The following GLIS3 variants were observed in gnomAD, a reference collection of about 807,000 sequenced individuals.
GLIS3 encodes the protein zinc finger protein GLIS3.
A neutral mutation model predicts 78.6 loss-of-function variants in GLIS3; 53 were observed. The ratio of observed to expected loss-of-function variants is 0.67; its 90% confidence interval spans 0.54 to 0.85. The LOEUF is 0.85. Among genes scored for constraint, GLIS3 ranks in the 40% least tolerant of loss-of-function variants. The pLI is 0.00. For synonymous variants in GLIS3, 684 were observed against 509.9 expected, an observed-to-expected ratio of 1.34 and a Z score of -4.60; for missense variants, 1,703 against 1,231.1, an observed-to-expected ratio of 1.38 and a Z score of -5.74.
the GLIS3 span, among the ~76,000 whole-genome samples, chr9:4,441,608 T>C: frequency 6.6e-6 from 1 of 152,102 alleles, no homozygotes; most frequent in Non-Finnish European, 1.5e-5. Flanking sequence ...AGTTTTCTTT[T>C]CCTTTTTCTT....
intron 2 of GLIS3, among the ~76,000 whole-genome samples, chr9:4,333,048 C>A (rs568810020): frequency 6.6e-6 from 1 of 152,308 alleles, no homozygotes; most frequent in African/African-American, 2.4e-5. Flanking sequence ...ATCTTCAGAA[C>A]AACCTTATGA....
chr9:3,910,985 C>A (rs994060667), intron 6 of GLIS3, among the ~76,000 whole-genome samples: 1 of 152,220 alleles, frequency 6.6e-6, no homozygotes, highest in Admixed American at 6.5e-5. Context: ...AACCAGCTGT[C>A]TGACCAGGAC....
At chr9:3,953,788 T>TA in intron 4 of GLIS3, among the ~76,000 whole-genome samples, 6 of 39,888 alleles carry the variant, frequency 1.5e-4, no homozygotes, top group African/African-American at 5.6e-4. Flanking sequence ...TCTCTCTCTC[T>TA]CTCTCTCTAT....
chr9:4,353,278 C>G (rs1037081913), upstream of GLIS3, among the ~76,000 whole-genome samples: 1 of 152,186 alleles, frequency 6.6e-6, no homozygotes, highest in Non-Finnish European at 1.5e-5. Flanking sequence ...TGTAGCCCAG[C>G]AACTCCTCAA....
intron 2 of GLIS3, among the ~76,000 whole-genome samples, chr9:4,196,826 G>A (rs1225173863): frequency 6.6e-6 from 1 of 151,276 alleles, no homozygotes; most frequent in Non-Finnish European, 1.5e-5. Context: ...ACCACACAAT[G>A]AGATGTGCAA....
the GLIS3 span, among the ~76,000 whole-genome samples, chr9:4,466,240 T>C: frequency 6.6e-6 from 1 of 152,210 alleles, no homozygotes; most frequent in Non-Finnish European, 1.5e-5. Flanking sequence ...CACAAATTAC[T>C]GAAATTGACC....
the GLIS3 span, among the ~76,000 whole-genome samples, chr9:4,376,585 G>A: frequency 7.4e-6 from 1 of 135,132 alleles, no homozygotes; most frequent in Non-Finnish European, 1.7e-5. Flanking sequence ...TAGAAGTCAT[G>A]TAGGTAGTTG....
chr9:4,475,104 C>G, the GLIS3 span, among the ~76,000 whole-genome samples: 5 of 149,500 alleles, frequency 3.3e-5, no homozygotes, highest in Non-Finnish European at 7.4e-5. Context: ...GGTGATTCCC[C>G]TTCCTCAGCC....
Position 4,286,258 on chromosome 9 carries a change from G to A in GLIS3, c.168C>T (p.Asn56=), listed in dbSNP as rs768777013. The part of the protein sequence containing the change: ...TSSPTMASLA[N]NLHLKMPSGG... ...CTGAGGGCATCTTGAGATGGAGGTT[G>A]TTAGCAAGGCTTGCCATAGTGGGAC... Residue 56 remains asparagine, a synonymous_variant, in exon 2 of 11, where the codon AAC becomes AAT. Transcript: ENST00000381971. 1 of 1,614,128 alleles carries A rather than the reference G, an allele frequency of 6.2e-7. No homozygotes were observed. The highest frequency in any genetic ancestry group is 1.3e-5 in the African/African-American group (1 of 74,944).
At chr9:4,171,161 G>A (rs1816338959) in intron 2 of GLIS3, among the ~76,000 whole-genome samples, 1 of 152,018 alleles carries the variant, frequency 6.6e-6, no homozygotes, top group Admixed American at 6.6e-5. Flanking sequence ...ATCATTAAAG[G>A]GCTATTACAA....
intron 3 of GLIS3, among the ~76,000 whole-genome samples, chr9:4,309,567 G>A (rs1817309186): frequency 1.3e-5 from 2 of 152,078 alleles, no homozygotes; most frequent in South Asian, 4.1e-4. Flanking sequence ...CCAGGTCAGA[G>A]GAATAAAAGG....
chr9:4,351,196 T>C (rs1817966534), upstream of GLIS3, among the ~76,000 whole-genome samples: 1 of 152,004 alleles, frequency 6.6e-6, no homozygotes, highest in African/African-American at 2.4e-5. Flanking sequence ...TGAGCCAAGA[T>C]CAGGCCACTG....
chr9:4,078,201 T>A (rs539324210), intron 4 of GLIS3, among the ~76,000 whole-genome samples: 1 of 152,344 alleles, frequency 6.6e-6, no homozygotes, highest in East Asian at 1.9e-4. Flanking sequence ...AATCATTTTT[T>A]TCAATATAAT....
the GLIS3 span, among the ~76,000 whole-genome samples, chr9:4,380,071 T>A: frequency 6.6e-6 from 1 of 152,200 alleles, no homozygotes; most frequent in Non-Finnish European, 1.5e-5. Flanking sequence ...CTATCTGTAG[T>A]GCATCAATAT....
At chr9:4,126,026 C>G (rs1564088302) in intron 2 of GLIS3, 85 bp from the exon 3 acceptor site, 1 of 1,047,216 alleles carries the variant, frequency 9.5e-7, no homozygotes, top group Non-Finnish European at 1.5e-6. Flanking sequence ...TATATCAGGA[C>G]CCATCTTTAG....
At chr9:4,076,264 G>A (rs754110630) in intron 4 of GLIS3, among the ~76,000 whole-genome samples, 1 of 152,072 alleles carries the variant, frequency 6.6e-6, no homozygotes, top group African/African-American at 2.4e-5. Context: ...AATTTTAAAT[G>A]ATTATAAATT....
chr9:4,050,415 G>A (rs576045547), intron 4 of GLIS3, among the ~76,000 whole-genome samples: 1 of 152,086 alleles, frequency 6.6e-6, no homozygotes, highest in Non-Finnish European at 1.5e-5. Context: ...CTTGTACACA[G>A]GGCGGGGAAC....
chr9:3,890,873 T>C (rs1822387401), intron 7 of GLIS3, among the ~76,000 whole-genome samples: 1 of 152,190 alleles, frequency 6.6e-6, no homozygotes, highest in Admixed American at 6.5e-5. Flanking sequence ...ACCCCAGTGA[T>C]GGCTTTGTAA....
chr9:3,833,456 T>C (rs1179733390), intron 9 of GLIS3, among the ~76,000 whole-genome samples: 1 of 152,204 alleles, frequency 6.6e-6, no homozygotes, highest in Non-Finnish European at 1.5e-5. Context: ...GGATTTCACA[T>C]AGCAAATTTG....
Sources: gnomAD v4.1 joint callset for allele counts (sites outside exome capture counted in the v4.1 genomes callset) on GRCh38, gnomAD v4.1.1 for gene constraint, MANE v1.5 for transcripts, NCBI Gene and HGNC (gene_info 2026-07-23, HGNC 2026-07-21) for gene names.